TEP1: variants seen among roughly 807,000 people sequenced by gnomAD.
TEP1 encodes telomerase associated protein 1.
In TEP1, 241 loss-of-function variants were observed where a neutral mutation model predicts 306.3. The ratio of observed to expected loss-of-function variants is 0.79; its 90% CI spans 0.71 to 0.88. TEP1 has a LOEUF of 0.88. Among genes scored for constraint, TEP1 ranks in the 40% least tolerant of loss-of-function variants. TEP1 has a pLI of 0.00. For missense variants in TEP1, 3,051 were observed against 3,276.1 expected, an observed-to-expected ratio of 0.93 and a Z score of 1.68; for synonymous variants, 1,289 against 1,305.5, an observed-to-expected ratio of 0.99 and a Z score of 0.27.
intron 27 of TEP1, 80 bp from the exon 28 acceptor site, chr14:20,382,795 C>CCAGG: frequency 7.6e-7 from 1 of 1,315,184 alleles, no homozygotes; most frequent in Non-Finnish European, 1.1e-6. Context: ...AGCCCCTCTG[C>CCAGG]CAGGCAGCTC....
At chr14:20,404,575 A>G (rs1349848217) in intron 5 of TEP1, 36 bp downstream of exon 5, 1 of 1,589,382 alleles carries the variant, frequency 6.3e-7, no homozygotes, top group Non-Finnish European at 8.6e-7. Flanking sequence ...GAAGGAATGA[A>G]GTGAAGGCCC....
chr14:20,391,588 TG>T lies in TEP1; in HGVS notation c.2097+10del, dbSNP rs1175657983. 1 of 1,607,742 alleles carries T rather than the reference TG, an allele frequency of 6.2e-7. No individual in the cohort carries two copies. The highest frequency in any genetic ancestry group is 1.1e-5 in the South Asian group (1 of 90,842). ...ACCCAACCCCTTGGAGGATGCTTTT[TG>T]TTTTCTTACCCCTTGTGGGTTGCTC... On this transcript the variant is annotated intron_variant, in intron 13 of 54. Coordinates refer to ENST00000262715, the MANE Select transcript of TEP1 (RefSeq NM_007110.5).
intron 37 of TEP1, 96 bp downstream of exon 37, chr14:20,378,658 A>T (rs1885345399): frequency 7.0e-6 from 11 of 1,580,360 alleles, no homozygotes; most frequent in Non-Finnish European, 7.8e-6. Context: ...TTCTCTGGCC[A>T]GGGAGTCAGC....
chr14:20,393,310 T>C (rs1251904319), intron 12 of TEP1, among the ~76,000 whole-genome samples: 1 of 152,226 alleles, frequency 6.6e-6, no homozygotes, highest in Non-Finnish European at 1.5e-5. Context: ...ATATTTTTAT[T>C]ACTTGTGTGC....
Position 20,381,440 on chromosome 14 carries a change from C to T in TEP1, c.4559-39G>A. 6.2e-7 allele frequency: 1 copy of T among 1,613,360 alleles called. No individual in the cohort carries two copies. Among genetic ancestry groups the T allele is most frequent in the Non-Finnish European group, 8.5e-7 (1 of 1,179,794 alleles). The stretch of plus-strand genomic sequence containing the variant: ...TATTGAGAAAGGCTCAGCCCTGCAT[C>T]ATTCCCAAGGGCAGTAGGTGAGCTG... On this transcript the variant is annotated intron_variant, in intron 31 of 54. Transcript: ENST00000262715. The surrounding 1 kb of genome is among the most constrained non-coding windows in gnomAD (Gnocchi z 4.0).
intron 9 of TEP1, among the ~76,000 whole-genome samples, chr14:20,398,479 T>A (rs1185675694): frequency 1.3e-5 from 2 of 149,712 alleles, no homozygotes; most frequent in African/African-American, 5.0e-5. Flanking sequence ...TAAATTGCTA[T>A]AAGTCAAATT....
chr14:20,397,420 A>T (rs1878296103), intron 9 of TEP1, among the ~76,000 whole-genome samples: 1 of 152,154 alleles, frequency 6.6e-6, no homozygotes, highest in Non-Finnish European at 1.5e-5. Context: ...GAGTCAGGAG[A>T]ATCGCTTGAA....
chr14:20,367,790 T>A lies in TEP1; in HGVS notation c.*647A>T, dbSNP rs1484721924. ...CACCTGGCTAACTTTTTGTATTTTT[T>A]AGTAGAGACAGGGTTTCACTATGTT... On this transcript the variant is annotated 3_prime_UTR_variant, in exon 55 of 55. Coordinates refer to ENST00000262715, the MANE Select transcript of TEP1 (RefSeq NM_007110.5). 1 of 152,238 alleles carries A rather than the reference T, an allele frequency of 6.6e-6. No homozygotes were observed. The highest frequency in any genetic ancestry group is 1.5e-5 in the Non-Finnish European group (1 of 68,170). The allele number at this position is 152,238 out of a possible 1,614,324, so 9.4% of individuals were successfully genotyped here. A position where few individuals can be genotyped will look rare whatever the true frequency, so the allele number is the denominator to read the frequency against.
At chr14:20,394,301 C>T (rs1176135517) in intron 12 of TEP1, among the ~76,000 whole-genome samples, 1 of 152,106 alleles carries the variant, frequency 6.6e-6, no homozygotes, top group African/African-American at 2.4e-5. Context: ...TTCATGTCAG[C>T]CTGTAATTAA....
rs1876793509 is a variant in TEP1 at position 20,383,590 on chromosome 14, C to T, written c.3765G>A (p.Leu1255=). ...TCAGGACCTGGGTCTGGCCAGGATG[C>T]AGGGACTCAGCAGACTTGGGCAGCA... The part of the protein sequence containing the change: ...QRLLPKSAES[L]HPGQTQVLII... Residue 1255 remains leucine, a synonymous_variant, in exon 26 of 55, where the codon CTG becomes CTA. Transcript: ENST00000262715. 1 of 1,613,874 alleles carries T rather than the reference C, an allele frequency of 6.2e-7. No homozygotes were observed. The highest frequency in any genetic ancestry group is 8.5e-7 in the Non-Finnish European group (1 of 1,179,984).
intron 1 of TEP1, among the ~76,000 whole-genome samples, chr14:20,408,737 C>A (rs771672252): frequency 5.3e-5 from 8 of 151,682 alleles, no homozygotes; most frequent in Non-Finnish European, 8.8e-5. Flanking sequence ...GGAGCTGAGG[C>A]AAGAGGATTC....
At position 20,378,167 on chromosome 14, in the gene TEP1, C is replaced by T; in HGVS notation, c.5578G>A (p.Gly1860Ser). 1 of 1,613,884 alleles carries T rather than the reference C, an allele frequency of 6.2e-7. No individual in the cohort carries two copies. The change falls in exon 39 of 55, where the codon GGC (glycine) becomes AGC (serine). Residue 1860 changes from glycine to serine, a missense_variant. By Grantham distance (56) the Gly-to-Ser change is moderately conservative. This residue lies in a region of TEP1 where 1,540 missense variants were observed against 1,705.9 expected (regional missense o/e 0.90). Coordinates refer to ENST00000262715, the MANE Select transcript of TEP1 (RefSeq NM_007110.5). ...AGCTCCACCATACTGTCCAGCCGGC[C>T]CACAGCCACAACCCCCCCAGGCACA... ...FNVPGGVVAV[G>S]RLDSMVELWA...
rs1877355150 is a variant in TEP1, at chr14:20,388,022, A to C, written c.2567T>G (p.Val856Gly). The change falls in exon 18 of 55, where the codon GTG becomes GGG. Residue 856 changes from valine (V) to glycine (G), a missense_variant. Val to Gly is a moderately radical substitution (Grantham distance 109). Around this residue, in one of 3 missense-constraint regions of TEP1, gnomAD observed 1,507 missense variants for 1,550.5 expected, o/e 0.97. Coordinates refer to ENST00000262715, the MANE Select transcript of TEP1 (RefSeq NM_007110.5). ...CTTGAATATTTTGTCCATTTGGCCC[A>C]CATGTTCCAGAAGATGGGAGGCCCC... ...EHGASHLLEHVGQMDKIFKIP... is the reference protein window; with the variant it reads ...EHGASHLLEHGGQMDKIFKIP... 1 of 1,614,032 alleles carries C rather than the reference A, an allele frequency of 6.2e-7. No homozygotes were observed. Among genetic ancestry groups the C allele is most frequent in the South Asian group, 1.1e-5 (1 of 91,066 alleles).
Position 20,381,143 on chromosome 14 carries a change from G to T in TEP1, c.4648-98C>A. 2 of 1,240,492 alleles carry T rather than the reference G, an allele frequency of 1.6e-6. No homozygotes were observed. The highest frequency in any genetic ancestry group is 2.4e-6 in the Non-Finnish European group (2 of 844,372). The allele number at this position is 1,240,492 out of a possible 1,614,324, so 76.8% of individuals were successfully genotyped here. ...TGGATACAGAGATAGGATCTGAGCTGGGACAAAGGACTTGAAGAAGAAGGG... is the reference window on the plus strand; with the variant it reads ...TGGATACAGAGATAGGATCTGAGCTTGGACAAAGGACTTGAAGAAGAAGGG... On this transcript the variant is annotated intron_variant, in intron 32 of 54. Coordinates refer to ENST00000262715, the MANE Select transcript of TEP1 (RefSeq NM_007110.5). This position sits in a 1 kb window ranked among gnomAD's most constrained non-coding sequence, Gnocchi z 4.0.
chr14:20,383,224 C>G lies in TEP1; in HGVS notation c.3997G>C (p.Glu1333Gln), dbSNP rs2139064719. Residue 1333 changes from glutamate (E) to glutamine (Q), a missense_variant, in exon 27 of 55, where the codon GAG becomes CAG. Glu to Gln is a conservative substitution (Grantham distance 29). Coordinates refer to ENST00000262715, the MANE Select transcript of TEP1 (RefSeq NM_007110.5). ...AGCCGCTTCCCGTACAGGGCCAGCTCCTCTCTCACCAGCCGGGCCCGAGCA... is the reference window on the plus strand; with the variant it reads ...AGCCGCTTCCCGTACAGGGCCAGCTGCTCTCTCACCAGCCGGGCCCGAGCA... ...ASARARLVREELALYGKRLEE... is the reference protein window; with the variant it reads ...ASARARLVREQLALYGKRLEE... 6.2e-7 allele frequency: 1 copy of G among 1,613,946 alleles called. No homozygotes were observed. Among genetic ancestry groups the G allele is most frequent in the Non-Finnish European group, 8.5e-7 (1 of 1,179,946 alleles).
intron 1 of TEP1, among the ~76,000 whole-genome samples, chr14:20,413,083 G>C (rs986526848): frequency 2.6e-5 from 4 of 152,084 alleles, no homozygotes; most frequent in African/African-American, 9.7e-5. Flanking sequence ...CCTTTCGATG[G>C]GCACACAGGG....
chr14:20,370,697 T>A (rs1278391367), intron 51 of TEP1, among the ~76,000 whole-genome samples: 1 of 152,226 alleles, frequency 6.6e-6, no homozygotes, highest in Non-Finnish European at 1.5e-5. Flanking sequence ...TAGGTATATA[T>A]TTAGGAGTGG....
At chr14:20,406,614 G>A (rs540869074) in intron 2 of TEP1, among the ~76,000 whole-genome samples, 4 of 152,234 alleles carry the variant, frequency 2.6e-5, no homozygotes, top group Admixed American at 6.5e-5. Flanking sequence ...CAGAGCCTTC[G>A]CCCACATGCT....
chr14:20,388,182 TC>T (rs1186212271), intron 17 of TEP1, 119 bp from the exon 18 acceptor site: 2 of 1,080,016 alleles, frequency 1.9e-6, no homozygotes, highest in East Asian at 5.2e-5. Flanking sequence ...TAAGTCAAGC[TC>T]CTTAAGAAGA....
Sources: gnomAD v4.1 joint callset for allele counts (sites outside exome capture counted in the v4.1 genomes callset) on GRCh38, gnomAD v4.1.1 for gene constraint, gnomAD v4.1.1 regional missense constraint, Gnocchi (gnomAD v3.1) non-coding constraint, MANE v1.5 for transcripts, NCBI Gene and HGNC (gene_info 2026-07-23, HGNC 2026-07-21) for gene names.